Variants in CNTN3 observed in about 807,000 individuals in gnomAD.
The protein encoded by CNTN3 is contactin 3.
Under a neutral mutation model 119.1 loss-of-function variants are expected in CNTN3, and 60 were observed. That is an observed-to-expected ratio of 0.50 (90% confidence interval 0.41 to 0.62). The LOEUF (loss-of-function observed/expected upper bound fraction) is 0.62, where lower values mean the gene tolerates loss of function less well. CNTN3 is among the 20% of genes least tolerant of loss of function. CNTN3 has a pLI of 0.00. For synonymous variants in CNTN3, 450 were observed against 438.7 expected (o/e 1.03, Z -0.32); for missense variants, 1,101 against 1,242.4 (o/e 0.89, Z 1.71).
At chr3:74,299,108 T>G (rs1342526529) in intron 17 of CNTN3, among the ~76,000 whole-genome samples, 1 of 151,874 alleles carries the variant, frequency 6.6e-6, no homozygotes, top group African/African-American at 2.4e-5. Context: ...TTGGGGAGGT[T>G]GAGGTGGGAG....
chr3:74,576,711 GA>G (rs1474199132), intron 1 of CNTN3, among the ~76,000 whole-genome samples: 2 of 151,718 alleles, frequency 1.3e-5, no homozygotes, highest in African/African-American at 2.4e-5. Flanking sequence ...TAAAAGAAAA[GA>G]AAAAAATCTC....
At chr3:74,351,786 GC>G (rs1703822728) in intron 11 of CNTN3, among the ~76,000 whole-genome samples, 1 of 152,106 alleles carries the variant, frequency 6.6e-6, no homozygotes, top group Non-Finnish European at 1.5e-5. Flanking sequence ...CACACCATGA[GC>G]CCCATCCCAA....
intron 13 of CNTN3, among the ~76,000 whole-genome samples, chr3:74,330,411 C>T (rs1187007627): frequency 6.6e-6 from 1 of 151,510 alleles, no homozygotes; most frequent in Non-Finnish European, 1.5e-5. Context: ...CATAATATTA[C>T]AGCACAATGC....
At chr3:74,483,795 A>G (rs911471992) in intron 4 of CNTN3, among the ~76,000 whole-genome samples, 1 of 152,034 alleles carries the variant, frequency 6.6e-6, no homozygotes, top group African/African-American at 2.4e-5. Context: ...AAACAGTAAG[A>G]CTAGCTTGTT....
intron 2 of CNTN3, among the ~76,000 whole-genome samples, chr3:74,520,419 G>A (rs1450078989): frequency 6.7e-6 from 1 of 149,888 alleles, no homozygotes; most frequent in African/African-American, 2.5e-5. Flanking sequence ...TAAACAAAAA[G>A]TTAGTTATAT....
intron 20 of CNTN3, among the ~76,000 whole-genome samples, chr3:74,270,602 A>C (rs566175571): frequency 6.6e-6 from 1 of 152,188 alleles, no homozygotes; most frequent in Non-Finnish European, 1.5e-5. Flanking sequence ...AAGCAACACA[A>C]TGAACTTTTG....
At position 74,580,560 on chromosome 3, in the gene CNTN3, C is replaced by T. The variant is rs553341713; in HGVS notation, c.-81+33831G>A. 2.0e-5 allele frequency among the ~76,000 whole-genome samples: 3 copies of T among 152,114 alleles called. No homozygotes were observed. In the South Asian group the frequency reaches 6.2e-4, roughly 32 times the overall value. On this transcript the variant is annotated intron_variant, in intron 1 of 22. Transcript: ENST00000263665. ...GTATATTTTAAAAACGCAGTTGTCC[C>T]AGAATACAAAATTGGTTTAATACTC...
intron 1 of CNTN3, among the ~76,000 whole-genome samples, chr3:74,566,705 G>C (rs1575834140): frequency 6.6e-6 from 1 of 152,158 alleles, no homozygotes; most frequent in East Asian, 1.9e-4. Context: ...CATCTGCAAA[G>C]AGTCTATTTC....
rs1268456855 is a variant in CNTN3 at position 74,263,880 on chromosome 3, A to G, written c.*521T>C. The G allele has an allele frequency of 1.3e-5, 2 of 152,114 alleles. No individual in the cohort carries two copies. The highest frequency in any genetic ancestry group is 2.9e-5 in the Non-Finnish European group (2 of 68,002). 9.4% of individuals were successfully genotyped at this position (152,114 alleles called of 1,614,324 possible). On this transcript the variant is annotated 3_prime_UTR_variant, in exon 23 of 23. Coordinates refer to ENST00000263665, the MANE Select transcript of CNTN3 (RefSeq NM_020872.3). ...CAAACATCATTCTTCTAAGCCCCACAGTAGCATTTTCCAACAATGCTCTTT... is the reference window on the plus strand; with the variant it reads ...CAAACATCATTCTTCTAAGCCCCACGGTAGCATTTTCCAACAATGCTCTTT...
At chr3:74,535,385 A>C (rs927530273) in intron 1 of CNTN3, among the ~76,000 whole-genome samples, 2 of 152,108 alleles carry the variant, frequency 1.3e-5, no homozygotes, top group Non-Finnish European at 1.5e-5. Context: ...AAGATGGGAG[A>C]AGTACTCCCA....
chr3:74,303,624 T>A (rs1480056580), intron 13 of CNTN3, among the ~76,000 whole-genome samples: 1 of 151,884 alleles, frequency 6.6e-6, no homozygotes, highest in African/African-American at 2.4e-5. Flanking sequence ...ACTTGGGAGG[T>A]GGAGGTTGCA....
chr3:74,423,853 T>C (rs1005378929), intron 5 of CNTN3, among the ~76,000 whole-genome samples: 1 of 152,160 alleles, frequency 6.6e-6, no homozygotes, highest in African/African-American at 2.4e-5. Context: ...AGTGGCCAGA[T>C]CCTGAAGATG....
rs1234548868 is a variant in CNTN3, at chr3:74,264,278, C to T, written c.*123G>A. The T allele has an allele frequency of 9.2e-6, 4 of 433,846 alleles. No individual in the cohort carries two copies. Among genetic ancestry groups the T allele is most frequent in the Non-Finnish European group, 8.3e-6 (2 of 240,894 alleles). The allele number at this position is 433,846 out of a possible 1,614,324, so 26.9% of individuals were successfully genotyped here. On this transcript the variant is annotated 3_prime_UTR_variant, in exon 23 of 23. Transcript: ENST00000263665. ...TTTTTTTAATTATATTCATATTTAC[C>T]TATAATGAAGTAGAAAGTTAAAAAT...
At chr3:74,581,940 A>G (rs903198812) in intron 1 of CNTN3, among the ~76,000 whole-genome samples, 1 of 152,202 alleles carries the variant, frequency 6.6e-6, no homozygotes, top group African/African-American at 2.4e-5. Context: ...TTTACACATA[A>G]ACATTTATTT....
At chr3:74,405,070 G>T (rs190277421) in intron 5 of CNTN3, among the ~76,000 whole-genome samples, 3 of 152,144 alleles carry the variant, frequency 2.0e-5, no homozygotes, top group Admixed American at 2.0e-4. Context: ...ATGTCTCTTA[G>T]ATTTATATAC....
chr3:74,531,276 G>A lies in CNTN3; in HGVS notation c.-80-10084C>T, dbSNP rs530227471. On this transcript the variant is annotated intron_variant, in intron 1 of 22. Coordinates refer to ENST00000263665, the MANE Select transcript of CNTN3 (RefSeq NM_020872.3). ...AGCATTATCAGAAGTGGAGTGGGTG[G>A]GGCTACCTGAGTTTTCATCTGCAGC... Among the ~76,000 whole-genome samples the A allele has an allele frequency of 1.0e-3, 154 of 151,804 alleles. 2 individuals are homozygous for A. The South Asian group carries it at 0.011, about 11-fold the overall frequency.
At chr3:74,467,940 C>A (rs970127067) in intron 4 of CNTN3, among the ~76,000 whole-genome samples, 2 of 152,176 alleles carry the variant, frequency 1.3e-5, no homozygotes, top group Admixed American at 1.3e-4. Context: ...TAAAACTGAT[C>A]TATGCCAAGA....
chr3:74,581,356 A>G (rs1393263456), intron 1 of CNTN3, among the ~76,000 whole-genome samples: 2 of 152,206 alleles, frequency 1.3e-5, no homozygotes, highest in Non-Finnish European at 2.9e-5. Context: ...AATAGAAAAT[A>G]AATGCTTAAA....
At chr3:74,267,429 T>C (rs1701683491) in intron 20 of CNTN3, 51 bp from the exon 21 acceptor site, 1 of 1,293,204 alleles carries the variant, frequency 7.7e-7, no homozygotes, top group Non-Finnish European at 1.1e-6. Context: ...ACAAGTGATA[T>C]TTTACACGGA....
Sources: gnomAD v4.1 joint callset for allele counts (sites outside exome capture counted in the v4.1 genomes callset) on GRCh38, gnomAD v4.1.1 for gene constraint, MANE v1.5 for transcripts, NCBI Gene and HGNC (gene_info 2026-07-23, HGNC 2026-07-21) for gene names.